The following SERP2 variants were observed in gnomAD, a reference collection of about 807,000 sequenced individuals.
SERP2 encodes the protein stress associated endoplasmic reticulum protein family member 2.
Under a neutral mutation model 9.1 loss-of-function variants are expected in SERP2, and 6 were observed. That is an observed-to-expected ratio of 0.66 (90% CI 0.36 to 1.30). The LOEUF is 1.30. Ranked by LOEUF, SERP2 falls within the 50% of genes most tolerant of loss-of-function variation. SERP2 has a pLI of 0.03. For missense variants in SERP2, 58 were observed against 81.9 expected, an observed-to-expected ratio of 0.71 and a Z score of 1.13; for synonymous variants, 37 against 27.3, an observed-to-expected ratio of 1.35 and a Z score of -1.10.
chr13:44,382,640 AAT>A lies in SERP2; in HGVS notation c.157+2932_157+2933del, dbSNP rs559006177. ...TTTTCCCAGTGTTATGGTCCCTGAA[AAT>A]ATATTATTCTTCCAAGTCACTGATA... On this transcript the variant is annotated intron_variant, in intron 2 of 2. Transcript: ENST00000379179. 2.2e-3 allele frequency among the ~76,000 whole-genome samples: 332 copies of A among 152,200 alleles called. 2 individuals are homozygous for A. The highest frequency in any genetic ancestry group is 2.5e-3 in the Non-Finnish European group (173 of 68,014).
chr13:44,380,568 G>A (rs1871915268), intron 2 of SERP2, among the ~76,000 whole-genome samples: 1 of 152,096 alleles, frequency 6.6e-6, no homozygotes, highest in African/African-American at 2.4e-5. Context: ...ATTTAAGATG[G>A]ATCAGTTCCT....
At chr13:44,388,456 T>C (rs183493623) in intron 2 of SERP2, among the ~76,000 whole-genome samples, 8 of 152,364 alleles carry the variant, frequency 5.3e-5, no homozygotes, top group Non-Finnish European at 8.8e-5. Context: ...AGCACACATC[T>C]AGACTCTCTT....
chr13:44,379,545 T>C, intron 1 of SERP2, 96 bp from the exon 2 acceptor site: 1 of 823,772 alleles, frequency 1.2e-6, no homozygotes, highest in Non-Finnish European at 2.0e-6. Flanking sequence ...TCATTCGCAG[T>C]AGAATCCCCA....
At chr13:44,389,281 C>T (rs1359774222) in intron 2 of SERP2, among the ~76,000 whole-genome samples, 2 of 152,170 alleles carry the variant, frequency 1.3e-5, no homozygotes, top group Admixed American at 1.3e-4. Flanking sequence ...TTTGAAACCA[C>T]CTACTAGCTA....
intron 2 of SERP2, among the ~76,000 whole-genome samples, chr13:44,395,083 G>A (rs1188041370): frequency 5.3e-5 from 8 of 152,232 alleles, no homozygotes; most frequent in East Asian, 1.9e-4. Flanking sequence ...CAGGATTAGC[G>A]ATAGTTCCCT....
rs147873287 is a variant in SERP2, at chr13:44,397,123, G to C, written c.158-149G>C. On this transcript the variant is annotated intron_variant, in intron 2 of 2. Coordinates refer to ENST00000379179, the MANE Select transcript of SERP2 (RefSeq NM_001010897.3). ...TTTTAAAGAAGTTCACTGACCTCTT[G>C]TTAACTTAACTCCTTGTTAGGAAAT... 83 of 662,998 alleles carry C rather than the reference G, an allele frequency of 1.3e-4. 1 individual carries two copies. The highest frequency in any genetic ancestry group is 1.2e-3 in the African/African-American group (66 of 55,366). The allele number at this position is 662,998 out of a possible 1,614,324, so 41.1% of individuals were successfully genotyped here.
chr13:44,390,317 C>A, intron 2 of SERP2: 1 of 313,518 alleles, frequency 3.2e-6, no homozygotes. Flanking sequence ...CCGCCCTGGA[C>A]ACTTGCTCCA....
At chr13:44,393,539 T>C (rs989913990) in intron 2 of SERP2, among the ~76,000 whole-genome samples, 4 of 152,166 alleles carry the variant, frequency 2.6e-5, no homozygotes, top group African/African-American at 9.7e-5. Context: ...TCGCCTGCCC[T>C]GGAACGCCTG....
chr13:44,382,034 GGATA>G (rs1872010064), intron 2 of SERP2, among the ~76,000 whole-genome samples: 1 of 144,476 alleles, frequency 6.9e-6, no homozygotes, highest in Non-Finnish European at 1.5e-5. Context: ...ATGGATGGAT[GGATA>G]AAGCCAGATA....
intron 2 of SERP2, among the ~76,000 whole-genome samples, chr13:44,386,002 C>A (rs1010078637): frequency 7.2e-5 from 11 of 152,194 alleles, no homozygotes; most frequent in Non-Finnish European, 1.6e-4. Context: ...ACCTCTCACA[C>A]TGGTCTCAAT....
intron 2 of SERP2, among the ~76,000 whole-genome samples, chr13:44,381,989 A>AGGATGGAT (rs57960396): frequency 0.019 from 2,740 of 147,694 alleles, 31 homozygotes; most frequent in African/African-American, 0.029. Flanking sequence ...GTTAGTGCTT[A>AGGATGGAT]GGATGGATGG....
In SERP2 at chr13:44,378,145, G is replaced by A. The variant is rs572689955; in HGVS notation, c.85-1496G>A. 3.1e-4 allele frequency among the ~76,000 whole-genome samples: 47 copies of A among 152,248 alleles called. 2 individuals carry two copies. The South Asian group carries it at 8.5e-3, about 28-fold the overall frequency. The stretch of plus-strand genomic sequence containing the variant: ...GATAAAATAAATTCCTTTTTTAGAT[G>A]AGAAGCCAGTTTACATTTACATTAG... On this transcript the variant is annotated intron_variant, in intron 1 of 2. Coordinates refer to ENST00000379179, the MANE Select transcript of SERP2 (RefSeq NM_001010897.3).
chr13:44,397,396 A>G lies in SERP2; in HGVS notation c.*84A>G. The G allele has an allele frequency of 9.4e-7, 1 of 1,063,172 alleles. No homozygotes were observed. The highest frequency in any genetic ancestry group is 1.5e-6 in the Non-Finnish European group (1 of 684,850). 65.9% of individuals were successfully genotyped at this position (1,063,172 alleles called of 1,614,324 possible). On this transcript the variant is annotated 3_prime_UTR_variant, in exon 3 of 3. Coordinates refer to ENST00000379179, the MANE Select transcript of SERP2 (RefSeq NM_001010897.3). ...GGTCAGCCAGTTTCTGCGGGAAACA[A>G]GCAGGCCACACGGAATAGAAAAAAA...
intron 2 of SERP2, among the ~76,000 whole-genome samples, chr13:44,383,542 GC>G (rs57823091): frequency 0.9 from 111,219 of 123,820 alleles, 49,733 homozygotes; most frequent in Non-Finnish European, 0.93. Context: ...CTGGAGGTTT[GC>G]GTTTTTTTTG....
intron 2 of SERP2, among the ~76,000 whole-genome samples, chr13:44,383,274 A>T (rs1415373337): frequency 6.6e-6 from 1 of 152,174 alleles, no homozygotes; most frequent in African/African-American, 2.4e-5. Context: ...GCAGCCTATA[A>T]GGGAAAAAGC....
intron 2 of SERP2, 65 bp from the exon 3 acceptor site, chr13:44,397,207 C>A: frequency 7.0e-7 from 1 of 1,420,550 alleles, no homozygotes; most frequent in Non-Finnish European, 1.0e-6. Context: ...GCCGGGCTCA[C>A]TGTGGGCTGG....
intron 2 of SERP2, 130 bp downstream of exon 2, chr13:44,379,843 T>A (rs1209153004): frequency 1.6e-6 from 1 of 612,854 alleles, no homozygotes; most frequent in Non-Finnish European, 2.9e-6. Flanking sequence ...GCCTTAAGCC[T>A]TAATCTTAAT....
intron 2 of SERP2, among the ~76,000 whole-genome samples, chr13:44,393,281 G>A (rs2138798376): frequency 6.6e-6 from 1 of 152,308 alleles, no homozygotes; most frequent in South Asian, 2.1e-4. Context: ...AGAGGGCCCT[G>A]TGGATGGAGA....
chr13:44,381,267 C>T (rs907281588), intron 2 of SERP2, among the ~76,000 whole-genome samples: 8 of 146,932 alleles, frequency 5.4e-5, no homozygotes, highest in Non-Finnish European at 1.2e-4. Context: ...AAAAGCCAGG[C>T]GCAGTGGCTC....
Sources: allele counts gnomAD v4.1 joint callset (sites outside exome capture counted in the v4.1 genomes callset), GRCh38; gene constraint gnomAD v4.1.1; transcripts MANE v1.5; gene names NCBI Gene and HGNC (gene_info 2026-07-23, HGNC 2026-07-21).